ZNF804B: variants seen among roughly 807,000 people sequenced by gnomAD.
ZNF804B encodes zinc finger protein 804B.
In ZNF804B, 80 loss-of-function variants were observed where a neutral mutation model predicts 101.4. The observed-to-expected ratio is 0.79, with a 90% confidence interval of 0.66 to 0.95. The LOEUF is 0.95. Ranked by LOEUF, ZNF804B falls within the 40% of genes least tolerant of loss-of-function variation. The pLI is 0.00. For missense variants in ZNF804B, 1,673 were observed against 1,561.9 expected (o/e 1.07, Z -1.20); for synonymous variants, 622 against 558.8 (o/e 1.11, Z -1.59).
chr7:89,090,595 T>C (rs2116324863), intron 1 of ZNF804B, among the ~76,000 whole-genome samples: 1 of 152,092 alleles, frequency 6.6e-6, no homozygotes, highest in Non-Finnish European at 1.5e-5. Flanking sequence ...ATTATAAAGA[T>C]GAAAAAATAG....
chr7:89,335,079 C>G lies in ZNF804B; in HGVS notation c.2097C>G (p.Tyr699Ter). The change falls in exon 4 of 4, where the codon TAC (tyrosine) becomes TAG (stop). Residue 699 changes from tyrosine to a stop codon, truncating the protein, a stop_gained. Transcript: ENST00000333190. LOFTEE classifies it high-confidence loss of function. ...SGCGNQRYKR[Y>*]SPQSCLSRYS... is the part of the protein sequence containing the mutation. Reference sequence around the variant, plus strand: ...GTGGAAACCAAAGATACAAGAGATACTCTCCACAGTCATGTTTGAGTAGAT... The same window carrying G: ...GTGGAAACCAAAGATACAAGAGATAGTCTCCACAGTCATGTTTGAGTAGAT... 6.2e-7 allele frequency: 1 copy of G among 1,613,832 alleles called. No individual in the cohort carries two copies. Among genetic ancestry groups the G allele is most frequent in the Non-Finnish European group, 8.5e-7 (1 of 1,179,906 alleles).
chr7:89,103,266 G>T (rs912496100), intron 1 of ZNF804B, among the ~76,000 whole-genome samples: 1 of 150,108 alleles, frequency 6.7e-6, no homozygotes, highest in East Asian at 1.9e-4. Context: ...TGAGAAAAAT[G>T]ATGTTGGTAA....
At chr7:88,993,573 T>A (rs563805073) in intron 1 of ZNF804B, among the ~76,000 whole-genome samples, 1 of 151,620 alleles carries the variant, frequency 6.6e-6, no homozygotes, top group Non-Finnish European at 1.5e-5. Flanking sequence ...GCTAGAATTA[T>A]CCTCTTCCAA....
At chr7:88,951,016 T>C (rs1351835732) in intron 1 of ZNF804B, among the ~76,000 whole-genome samples, 1 of 151,848 alleles carries the variant, frequency 6.6e-6, no homozygotes, top group Non-Finnish European at 1.5e-5. Flanking sequence ...AGAGTTGTTT[T>C]ATGAGATTGA....
intron 1 of ZNF804B, among the ~76,000 whole-genome samples, chr7:88,910,799 C>T (rs917467964): frequency 6.6e-6 from 1 of 151,854 alleles, no homozygotes; most frequent in Non-Finnish European, 1.5e-5. Flanking sequence ...AGATGTTCTG[C>T]AAAATGAGAG....
chr7:89,004,020 T>C (rs1267333404), intron 1 of ZNF804B, among the ~76,000 whole-genome samples: 1 of 150,518 alleles, frequency 6.6e-6, no homozygotes, highest in Non-Finnish European at 1.5e-5. Context: ...GAGAGGAGTT[T>C]TGCAGTATAA....
chr7:89,216,265 G>A (rs1308693360), intron 1 of ZNF804B, among the ~76,000 whole-genome samples: 1 of 152,194 alleles, frequency 6.6e-6, no homozygotes, highest in Admixed American at 6.5e-5. Context: ...CCGAGATCGC[G>A]CCATTGCACT....
At chr7:89,272,721 A>T (rs1240193735) in intron 2 of ZNF804B, among the ~76,000 whole-genome samples, 2 of 152,090 alleles carry the variant, frequency 1.3e-5, no homozygotes, top group African/African-American at 4.8e-5. Flanking sequence ...AAATGCTTTA[A>T]TCTTCATCTT....
intron 1 of ZNF804B, among the ~76,000 whole-genome samples, chr7:88,921,938 G>C (rs547303200): frequency 1.9e-4 from 29 of 152,158 alleles, no homozygotes; most frequent in Admixed American, 1.4e-3. Flanking sequence ...AGAATTTAAA[G>C]TTTGAAAATG....
chr7:89,312,290 A>C (rs1790658939), intron 2 of ZNF804B, among the ~76,000 whole-genome samples: 2 of 152,214 alleles, frequency 1.3e-5, no homozygotes, highest in Non-Finnish European at 2.9e-5. Context: ...CATTGGGCTC[A>C]GCCAGTTAAA....
intron 2 of ZNF804B, among the ~76,000 whole-genome samples, chr7:89,225,027 G>A (rs1789065336): frequency 6.6e-6 from 1 of 152,048 alleles, no homozygotes; most frequent in South Asian, 2.1e-4. Context: ...ATAGCTGACT[G>A]TTCCCTCTGT....
At chr7:89,171,386 CTCTTCTTCCTCT>C (rs1177766968) in intron 1 of ZNF804B, among the ~76,000 whole-genome samples, 4 of 105,222 alleles carry the variant, frequency 3.8e-5, no homozygotes, top group South Asian at 3.0e-4. Flanking sequence ...CCTCTTCTTC[CTCTTCTTCCTCT>C]TCTTCTTCTT....
At chr7:89,261,575 A>G (rs1789713033) in intron 2 of ZNF804B, among the ~76,000 whole-genome samples, 1 of 152,168 alleles carries the variant, frequency 6.6e-6, no homozygotes, top group African/African-American at 2.4e-5. Context: ...ATGTGTTGTT[A>G]GGCAGTTTCA....
At chr7:89,068,731 G>C (rs533862772) in intron 1 of ZNF804B, among the ~76,000 whole-genome samples, 86 of 152,310 alleles carry the variant, frequency 5.6e-4, no homozygotes, top group African/African-American at 2.1e-3. Context: ...ACGAGACTCT[G>C]TTAAGCAGTA....
At chr7:88,977,220 T>C (rs1353978047) in intron 1 of ZNF804B, among the ~76,000 whole-genome samples, 1 of 151,562 alleles carries the variant, frequency 6.6e-6, no homozygotes, top group Non-Finnish European at 1.5e-5. Flanking sequence ...TCTCTGTCTC[T>C]GCCTCGTTTT....
At chr7:89,040,862 C>T (rs1025662672) in intron 1 of ZNF804B, among the ~76,000 whole-genome samples, 1 of 152,034 alleles carries the variant, frequency 6.6e-6, no homozygotes, top group South Asian at 2.1e-4. Flanking sequence ...GGGCCTAGAG[C>T]CTGAGACTGT....
chr7:88,846,174 T>C (rs1038910092), intron 1 of ZNF804B, among the ~76,000 whole-genome samples: 5 of 152,236 alleles, frequency 3.3e-5, no homozygotes, highest in Non-Finnish European at 5.9e-5. Context: ...AAATCTGTTA[T>C]TGTTTTAAAT....
intron 1 of ZNF804B, among the ~76,000 whole-genome samples, chr7:88,954,836 G>A: frequency 6.6e-6 from 1 of 151,554 alleles, no homozygotes; most frequent in East Asian, 2.0e-4. Context: ...TTCACTATTT[G>A]GTTTTACAAT....
chr7:88,872,608 A>G (rs1350984694), intron 1 of ZNF804B, among the ~76,000 whole-genome samples: 2 of 151,792 alleles, frequency 1.3e-5, no homozygotes, highest in South Asian at 4.2e-4. Flanking sequence ...TCCCAATGCC[A>G]TCCCTCCCCC....
Sources: allele counts gnomAD v4.1 joint callset (sites outside exome capture counted in the v4.1 genomes callset), GRCh38; gene constraint gnomAD v4.1.1; transcripts MANE v1.5; gene names NCBI Gene and HGNC (gene_info 2026-07-23, HGNC 2026-07-21).